Variants in TMEM232 observed in about 807,000 individuals in gnomAD.
TMEM232 encodes transmembrane protein 232.
TMEM232 carries 80 observed loss-of-function variants against 78.8 expected under a neutral mutation model. That is an observed-to-expected ratio of 1.01 (90% CI 0.85 to 1.22). TMEM232 has a LOEUF of 1.22. TMEM232 is among the 50% of genes most tolerant of loss of function. TMEM232 has a pLI of 0.00. For missense variants in TMEM232, 881 were observed against 742.2 expected (o/e 1.19, Z -2.17); for synonymous variants, 297 against 254.3 (o/e 1.17, Z -1.60).
intron 1 of TMEM232, 45 bp from the exon 2 acceptor site, chr5:110,667,409 A>C: frequency 7.3e-7 from 1 of 1,363,554 alleles, no homozygotes; most frequent in Middle Eastern, 2.2e-4. Context: ...ATGCACTCAT[A>C]GTATCAAACA....
At chr5:110,525,452 C>T (rs1010222913) in intron 12 of TMEM232, among the ~76,000 whole-genome samples, 1 of 151,494 alleles carries the variant, frequency 6.6e-6, no homozygotes, top group Non-Finnish European at 1.5e-5. Flanking sequence ...TTTATATTAG[C>T]AACAAAAGAG....
intron 2 of TMEM232, among the ~76,000 whole-genome samples, chr5:110,646,070 GA>G: frequency 6.6e-6 from 1 of 151,390 alleles, no homozygotes; most frequent in East Asian, 1.9e-4. Flanking sequence ...AGAAAACACA[GA>G]AAAAAAGACC....
At chr5:110,708,347 C>T (rs1796145543) in intron 1 of TMEM232, among the ~76,000 whole-genome samples, 1 of 152,130 alleles carries the variant, frequency 6.6e-6, no homozygotes, top group African/African-American at 2.4e-5. Flanking sequence ...GCTAAAGGGA[C>T]TTCTTCACAG....
intron 12 of TMEM232, among the ~76,000 whole-genome samples, chr5:110,508,980 TTA>T (rs950295162): frequency 3.5e-4 from 44 of 126,812 alleles, no homozygotes; most frequent in African/African-American, 3.5e-4. Flanking sequence ...ATATATAAAA[TTA>T]TATATGTGTA....
intron 1 of TMEM232, among the ~76,000 whole-genome samples, chr5:110,702,586 G>A (rs533289307): frequency 6.6e-6 from 1 of 152,020 alleles, no homozygotes; most frequent in African/African-American, 2.4e-5. Context: ...CTCTGTTTTT[G>A]CTGCCTGAAA....
At chr5:110,683,983 G>T (rs1284165388) in intron 1 of TMEM232, among the ~76,000 whole-genome samples, 4 of 151,878 alleles carry the variant, frequency 2.6e-5, no homozygotes, top group African/African-American at 4.8e-5. Context: ...ATATGCCAAA[G>T]AATAATTCCA....
At chr5:110,501,944 T>C (rs1336008715) in intron 12 of TMEM232, among the ~76,000 whole-genome samples, 2 of 152,164 alleles carry the variant, frequency 1.3e-5, no homozygotes, top group Non-Finnish European at 2.9e-5. Flanking sequence ...AATATAATTA[T>C]ATTGAATTGT....
intron 12 of TMEM232, among the ~76,000 whole-genome samples, chr5:110,436,280 A>AT (rs1028585244): frequency 1.3e-5 from 2 of 151,476 alleles, no homozygotes; most frequent in Non-Finnish European, 2.9e-5. Context: ...CTATTGAAAT[A>AT]TTTTTTCCTA....
rs142257156 is a variant in TMEM232 at position 110,626,175 on chromosome 5, G to A, written c.602-742C>T. Among the ~76,000 whole-genome samples, 1,517 of 151,890 alleles carry A rather than the reference G, an allele frequency of 1.0e-2. 32 individuals carry two copies. Among genetic ancestry groups the A allele is most frequent in the African/African-American group, 0.034 (1,417 of 41,494 alleles). On this transcript the variant is annotated intron_variant, in intron 6 of 13. Transcript: ENST00000455884. ...CAATTTGGGGATTTTATTCTTGTATGTGAAAGAAAGATTTTTTTTTTGAGG... is the reference window on the plus strand; with the variant it reads ...CAATTTGGGGATTTTATTCTTGTATATGAAAGAAAGATTTTTTTTTTGAGG...
chr5:110,677,974 T>C (rs1359803396), intron 1 of TMEM232, among the ~76,000 whole-genome samples: 1 of 151,988 alleles, frequency 6.6e-6, no homozygotes, highest in African/African-American at 2.4e-5. Flanking sequence ...ATCAGAAAGA[T>C]TACTGGTCAC....
In TMEM232 at chr5:110,460,031, A is replaced by G. The variant is rs115985009; in HGVS notation, c.1704-35115T>C. Among the ~76,000 whole-genome samples the G allele has an allele frequency of 5.4e-3, 828 of 152,306 alleles. 13 individuals carry two copies. The highest frequency in any genetic ancestry group is 0.02 in the African/African-American group (812 of 41,582). On this transcript the variant is annotated intron_variant, in intron 12 of 13. Coordinates refer to ENST00000455884, the MANE Select transcript of TMEM232 (RefSeq NM_001039763.4). ...CAAATGAGACAAAGGTGACATGACAATCAATTGCAGTGTGTGATCCTGGAC... is the reference window on the plus strand; with the variant it reads ...CAAATGAGACAAAGGTGACATGACAGTCAATTGCAGTGTGTGATCCTGGAC...
At chr5:110,685,428 T>C (rs945496065) in intron 1 of TMEM232, among the ~76,000 whole-genome samples, 3 of 152,086 alleles carry the variant, frequency 2.0e-5, no homozygotes, top group Non-Finnish European at 2.9e-5. Flanking sequence ...CATTAGTCTT[T>C]GGAAAAATTC....
Position 110,654,481 on chromosome 5 carries a change from A to T in TMEM232, c.126-12110T>A, listed in dbSNP as rs566936793. 2.0e-5 allele frequency among the ~76,000 whole-genome samples: 3 copies of T among 152,188 alleles called. No individual in the cohort carries two copies. In the South Asian group the frequency reaches 6.2e-4, roughly 32 times the overall value. On this transcript the variant is annotated intron_variant, in intron 2 of 13. Coordinates refer to ENST00000455884, the MANE Select transcript of TMEM232 (RefSeq NM_001039763.4). ...TTGTAGATATGTGGTGCTATTTCTG[A>T]GGGCTCTGTTCTATTCCATTGATCT...
At chr5:110,601,608 AAGG>A (rs1780906880) in intron 10 of TMEM232, among the ~76,000 whole-genome samples, 2 of 152,216 alleles carry the variant, frequency 1.3e-5, no homozygotes, top group Admixed American at 1.3e-4. Flanking sequence ...GGACCTCTTC[AAGG>A]AGAACTACAA....
chr5:110,604,830 T>G (rs900531233), intron 10 of TMEM232, among the ~76,000 whole-genome samples: 1 of 152,012 alleles, frequency 6.6e-6, no homozygotes, highest in Non-Finnish European at 1.5e-5. Context: ...TGGTGGCGAG[T>G]GCCTGTAGTC....
At chr5:110,672,276 T>C (rs1455538144) in intron 1 of TMEM232, among the ~76,000 whole-genome samples, 1 of 152,230 alleles carries the variant, frequency 6.6e-6, no homozygotes. Context: ...GGTAGATATT[T>C]GCACTTTCTT....
At chr5:110,415,835 CCTT>C (rs1407829426), downstream of TMEM232, among the ~76,000 whole-genome samples, 4 of 152,190 alleles carry the variant, frequency 2.6e-5, no homozygotes, top group East Asian at 5.8e-4. Context: ...AGATGTTTGA[CCTT>C]TACCTTATTC....
At chr5:110,656,770 G>A (rs192015224) in intron 2 of TMEM232, among the ~76,000 whole-genome samples, 2,798 of 151,644 alleles carry the variant, frequency 0.018, 57 homozygotes, top group African/African-American at 0.042. Context: ...CCCAGGAGGC[G>A]GAGCTTGCAG....
chr5:110,639,442 G>A (rs181654301), intron 4 of TMEM232, among the ~76,000 whole-genome samples: 3 of 152,262 alleles, frequency 2.0e-5, no homozygotes, highest in Admixed American at 6.5e-5. Flanking sequence ...GAATTGGAAA[G>A]GTTCCAGGGA....
Sources: gnomAD v4.1 joint callset for allele counts (sites outside exome capture counted in the v4.1 genomes callset) on GRCh38, gnomAD v4.1.1 for gene constraint, MANE v1.5 for transcripts, NCBI Gene and HGNC (gene_info 2026-07-23, HGNC 2026-07-21) for gene names.